ZFP64: variants seen among roughly 807,000 people sequenced by gnomAD.
The protein encoded by ZFP64 is ZFP64 zinc finger protein.
Under a neutral mutation model 51.6 loss-of-function variants are expected in ZFP64, and 14 were observed. That is an observed-to-expected ratio of 0.27 (90% CI 0.18 to 0.42). The LOEUF is 0.42. ZFP64 is among the 10% of genes least tolerant of loss of function. ZFP64 has a pLI of 1.00. For synonymous variants in ZFP64, 375 were observed against 361.4 expected (o/e 1.04, Z -0.43); for missense variants, 754 against 906.8 (o/e 0.83, Z 2.16).
downstream of ZFP64, among the ~76,000 whole-genome samples, chr20:52,146,453 A>G (rs980163109): frequency 6.6e-6 from 1 of 151,600 alleles, no homozygotes; most frequent in South Asian, 2.1e-4. Flanking sequence ...ATTGGAAATC[A>G]TCATTCTCAG....
chr20:52,143,171 C>T lies in ZFP64; in HGVS notation c.763+16952G>A, dbSNP rs543406162. Among the ~76,000 whole-genome samples, 12 of 143,302 alleles carry T rather than the reference C, an allele frequency of 8.4e-5. 2 individuals carry two copies. The East Asian group carries it at 9.6e-4, about 12-fold the overall frequency. 94.0% of individuals were successfully genotyped at this position (143,302 alleles called of 152,430 possible). On this transcript the variant is annotated intron_variant, in intron 5 of 8. Coordinates refer to the ZFP64 transcript ENST00000361387. ...ATATGCACTGGGAAATTTAAAAATA[C>T]GTGTGACTCACTTTATTGTGATATT...
intron 5 of ZFP64, among the ~76,000 whole-genome samples, chr20:52,100,302 G>A (rs2079037394): frequency 1.3e-5 from 2 of 152,090 alleles, no homozygotes; most frequent in Admixed American, 6.5e-5. Context: ...CTGGAGTGCA[G>A]TGGTACCATC....
chr20:52,100,573 T>C (rs2122765836), intron 5 of ZFP64, among the ~76,000 whole-genome samples: 1 of 152,280 alleles, frequency 6.6e-6, no homozygotes, highest in Middle Eastern at 3.4e-3. Context: ...ATTGACTAGC[T>C]TATGAATTAT....
intron 5 of ZFP64, among the ~76,000 whole-genome samples, chr20:52,133,400 AG>A (rs1403038704): frequency 1.3e-5 from 2 of 150,856 alleles, no homozygotes; most frequent in African/African-American, 2.4e-5. Flanking sequence ...CAAATTGGAA[AG>A]GAAGAAATCA....
At position 52,120,309 on chromosome 20, in the gene ZFP64, CCT is replaced by C. The variant is rs372921286; in HGVS notation, c.764-21724_764-21723del. Among the ~76,000 whole-genome samples the C allele has an allele frequency of 2.0e-3, 308 of 152,204 alleles. 1 individual carries two copies. Among genetic ancestry groups the C allele is most frequent in the African/African-American group, 7.0e-3 (291 of 41,530 alleles). ...AGGGTGTCTGGGACACCCTCTTTCC[CCT>C]GTTAAACCTCAGACACATCCAGAGG... On this transcript the variant is annotated intron_variant, in intron 5 of 8. Transcript: ENST00000361387.
In ZFP64 at chr20:52,153,580, G is replaced by A; in HGVS notation, c.764-152C>T. ...AGCAGCCCCTGGCAGTGGGGGAAGAGGGGCAGGGCGTCTTTATCTTTCCCC... is the reference window on the plus strand; with the variant it reads ...AGCAGCCCCTGGCAGTGGGGGAAGAAGGGCAGGGCGTCTTTATCTTTCCCC... On this transcript the variant is annotated intron_variant, in intron 5 of 5. Transcript: ENST00000216923. This position sits in a 1 kb window ranked among gnomAD's most constrained non-coding sequence, Gnocchi z 5.1. The A allele has an allele frequency of 8.2e-7, 1 of 1,218,444 alleles. No homozygotes were observed. The highest frequency in any genetic ancestry group is 2.6e-5 in the East Asian group (1 of 38,520). 75.5% of individuals were successfully genotyped at this position (1,218,444 alleles called of 1,614,324 possible). A position where few individuals can be genotyped will look rare whatever the true frequency, so the allele number is the denominator to read the frequency against.
chr20:52,094,617 G>C (rs1339386335), intron 7 of ZFP64, among the ~76,000 whole-genome samples: 6 of 152,100 alleles, frequency 3.9e-5, no homozygotes, highest in Non-Finnish European at 8.8e-5. Context: ...AAATTAGCTG[G>C]GCGAAATGGG....
chr20:52,181,156 C>A (rs62215770), intron 2 of ZFP64, among the ~76,000 whole-genome samples: 11,958 of 152,178 alleles, frequency 0.079, 533 homozygotes, highest in Non-Finnish European at 0.1. Context: ...ATTGGCCAGG[C>A]TGGTCTCGAA....
In ZFP64 at chr20:52,188,971, G is replaced by A. The variant is rs537416928; in HGVS notation, c.47-1900C>T. ...AGCCTGGGCGACAGAGCGAGACTCC[G>A]TCTCACATAAAAAAAAAAAGATAAC... On this transcript the variant is annotated intron_variant, in intron 1 of 5. Transcript: ENST00000216923. Among the ~76,000 whole-genome samples, 9 of 150,778 alleles carry A rather than the reference G, an allele frequency of 6.0e-5. No individual in the cohort carries two copies. The South Asian group carries it at 1.5e-3, about 25-fold the overall frequency.
chr20:52,165,624 T>G (rs1193546740), intron 3 of ZFP64: 2 of 683,234 alleles, frequency 2.9e-6, no homozygotes, highest in Non-Finnish European at 5.3e-6. Flanking sequence ...ACCTGAAATT[T>G]TCACGAGTTC....
At chr20:52,165,376 G>A (rs1982168966) in intron 3 of ZFP64, 1 of 454,632 alleles carries the variant, frequency 2.2e-6, no homozygotes, top group African/African-American at 2.0e-5. Context: ...AAATGGTTTG[G>A]GGAAAACTAT....
chr20:52,102,102 A>G (rs2079057694), intron 5 of ZFP64, among the ~76,000 whole-genome samples: 1 of 134,642 alleles, frequency 7.4e-6, no homozygotes, highest in African/African-American at 2.9e-5. Context: ...GAGTAACTCC[A>G]TCTCCAAAAA....
chr20:52,126,209 T>C (rs545593998), intron 5 of ZFP64, among the ~76,000 whole-genome samples: 44 of 152,312 alleles, frequency 2.9e-4, no homozygotes, highest in African/African-American at 1.0e-3. Flanking sequence ...ACAACACGTA[T>C]TGTTTTATTT....
At chr20:52,104,097 G>A (rs948514629) in intron 5 of ZFP64, among the ~76,000 whole-genome samples, 2 of 152,172 alleles carry the variant, frequency 1.3e-5, no homozygotes, top group Non-Finnish European at 2.9e-5. Context: ...CCCCTTAAAG[G>A]AAAGGTATCA....
In ZFP64 at chr20:52,153,396, C is replaced by T; in HGVS notation, c.796G>A (p.Ala266Thr). 1 of 1,614,042 alleles carries T rather than the reference C, an allele frequency of 6.2e-7. No homozygotes were observed. The highest frequency in any genetic ancestry group is 1.1e-5 in the South Asian group (1 of 91,062). Residue 266 changes from alanine to threonine, a missense_variant, in exon 6 of 6, where the codon GCC becomes ACC. Transcript: ENST00000216923. This position sits in a 1 kb window ranked among gnomAD's most constrained non-coding sequence, Gnocchi z 5.1. ...DAPFQCWLCS[A>T]KFKISSDLKR... ...AAGTCCGAGCTGATTTTGAACTTGG[C>T]GCTACAGAGCCAGCACTGGAAGGGG...
rs141306245 is a variant in ZFP64 at position 52,124,361 on chromosome 20, A to G, written c.764-25774T>C. Among the ~76,000 whole-genome samples, 6 of 152,306 alleles carry G rather than the reference A, an allele frequency of 3.9e-5. No homozygotes were observed. The South Asian group carries it at 6.2e-4, about 16-fold the overall frequency. On this transcript the variant is annotated intron_variant, in intron 5 of 8. Coordinates refer to the ZFP64 transcript ENST00000361387. ...GATTGCTTCTGGGGAGCGAAGTTGGAAATTCAGTGAGAAAAGGAGAATAAT... is the reference window on the plus strand; with the variant it reads ...GATTGCTTCTGGGGAGCGAAGTTGGGAATTCAGTGAGAAAAGGAGAATAAT...
At chr20:52,162,552 G>A (rs893031564) in intron 4 of ZFP64, among the ~76,000 whole-genome samples, 6 of 151,748 alleles carry the variant, frequency 4.0e-5, no homozygotes, top group Non-Finnish European at 8.8e-5. Context: ...ATATGAACCC[G>A]GGAGGCAGAG....
intron 5 of ZFP64, among the ~76,000 whole-genome samples, chr20:52,130,041 G>T (rs1206884089): frequency 6.6e-6 from 1 of 151,744 alleles, no homozygotes; most frequent in Non-Finnish European, 1.5e-5. Flanking sequence ...TGTTCCTCTC[G>T]AGATCCACAT....
At chr20:52,116,428 G>T (rs938486116) in intron 5 of ZFP64, among the ~76,000 whole-genome samples, 92 of 150,042 alleles carry the variant, frequency 6.1e-4, no homozygotes, top group African/African-American at 2.1e-3. Flanking sequence ...GAGCCACTGC[G>T]CCTGGCCATA....
Sources: gnomAD v4.1 joint callset for allele counts (sites outside exome capture counted in the v4.1 genomes callset) on GRCh38, gnomAD v4.1.1 for gene constraint, Gnocchi (gnomAD v3.1) non-coding constraint, MANE v1.5 for transcripts, NCBI Gene and HGNC (gene_info 2026-07-23, HGNC 2026-07-21) for gene names.